The following CSPG5 variants were observed in gnomAD, a reference collection of about 807,000 sequenced individuals.
CSPG5 encodes the protein chondroitin sulfate proteoglycan 5, also known as acidic leucine-rich EGF-like domain-containing brain protein.
Under a neutral mutation model 39.8 loss-of-function variants are expected in CSPG5, and 25 were observed. The ratio of observed to expected loss-of-function variants is 0.63; its 90% CI spans 0.46 to 0.88. The LOEUF (loss-of-function observed/expected upper bound fraction) is 0.88. Ranked by LOEUF, CSPG5 falls within the 40% of genes least tolerant of loss-of-function variation. The pLI, the probability that CSPG5 is intolerant of heterozygous loss-of-function variation, is 0.00. For missense variants in CSPG5, 627 were observed against 702.2 expected, an observed-to-expected ratio of 0.89 and a Z score of 1.21; for synonymous variants, 295 against 303.9, an observed-to-expected ratio of 0.97 and a Z score of 0.31.
chr3:47,562,568 A>G lies in CSPG5; in HGVS notation c.*32T>C, dbSNP rs1267843743. 4 of 1,190,964 alleles carry G rather than the reference A, an allele frequency of 3.4e-6. No individual in the cohort carries two copies. In the South Asian group the frequency reaches 5.2e-5, roughly 15 times the overall value. 73.8% of individuals were successfully genotyped at this position (1,190,964 alleles called of 1,614,324 possible). A position where few individuals can be genotyped will look rare whatever the true frequency, so the allele number is the denominator to read the frequency against. On this transcript the variant is annotated 3_prime_UTR_variant, in exon 5 of 5. Coordinates refer to ENST00000264723, the MANE Select transcript of CSPG5 (RefSeq NM_006574.4). ...ATGTTTCTTCCCCTACCCCCCACCC[A>G]CTACCCCCGCTTCCTCTCTTCTTGC...
At chr3:47,576,233 G>A (rs1417486611) in intron 2 of CSPG5, among the ~76,000 whole-genome samples, 2 of 151,898 alleles carry the variant, frequency 1.3e-5, no homozygotes, top group South Asian at 2.1e-4. Flanking sequence ...CACCACGCCC[G>A]GCCTCATTTT....
rs142769230 is a variant in CSPG5 at position 47,577,026 on chromosome 3, C to T, written c.1000G>A (p.Gly334Ser). 6.0e-5 allele frequency: 97 copies of T among 1,612,666 alleles called. No individual in the cohort carries two copies. In the African/African-American group the frequency reaches 9.1e-4, roughly 15 times the overall value. ...CGGGGCCTGAGGGCGATGCTGCTGC[C>T]GGGGACCGACCCCAGAGTGTGCTGT... ...PPQHTLGSVPGSSIALRPRPG... is the reference protein window; with the variant it reads ...PPQHTLGSVPSSSIALRPRPG... The change falls in exon 2 of 5, where the codon GGC becomes AGC. Residue 334 changes from glycine (G) to serine (S), a missense_variant. By Grantham distance (56) the Gly-to-Ser change is moderately conservative. Transcript: ENST00000264723. This position sits in a 1 kb window ranked among gnomAD's most constrained non-coding sequence, Gnocchi z 4.7.
chr3:47,571,880 A>G (rs1301229591), intron 3 of CSPG5, among the ~76,000 whole-genome samples: 1 of 152,182 alleles, frequency 6.6e-6, no homozygotes, highest in East Asian at 1.9e-4. Flanking sequence ...AAGGTTTTCT[A>G]ACTTTGCTTA....
intron 2 of CSPG5, among the ~76,000 whole-genome samples, chr3:47,575,017 C>T (rs747842885): frequency 2.4e-4 from 37 of 152,198 alleles, no homozygotes; most frequent in Non-Finnish European, 1.5e-5. Context: ...ACAAAATACT[C>T]ATTGCTTTCT....
chr3:47,576,753 C>T, intron 2 of CSPG5, 80 bp downstream of exon 2: 7 of 1,468,240 alleles, frequency 4.8e-6, no homozygotes, highest in African/African-American at 1.4e-5. Context: ...AGCCAACGCG[C>T]CCGGCTACGC....
rs752598799 is a variant in CSPG5, at chr3:47,577,023, T to C, written c.1003A>G (p.Ser335Gly). The change falls in exon 2 of 5, where the codon AGC becomes GGC. Residue 335 changes from serine to glycine, a missense_variant. Ser to Gly is a moderately conservative substitution (Grantham distance 56). Coordinates refer to ENST00000264723, the MANE Select transcript of CSPG5 (RefSeq NM_006574.4). This position sits in a 1 kb window ranked among gnomAD's most constrained non-coding sequence, Gnocchi z 4.7. ...GGGCGGGGCCTGAGGGCGATGCTGC[T>C]GCCGGGGACCGACCCCAGAGTGTGC... ...PQHTLGSVPG[S>G]SIALRPRPGE... The C allele has an allele frequency of 1.5e-5, 24 of 1,613,026 alleles. No homozygotes were observed. The highest frequency in any genetic ancestry group is 2.0e-5 in the Non-Finnish European group (24 of 1,179,542).
rs1322222797 is a variant in CSPG5, at chr3:47,569,171, G to A, written c.1439C>T (p.Ala480Val). The change falls in exon 4 of 5, where the codon GCC (alanine) becomes GTC (valine). Residue 480 changes from alanine to valine, a missense_variant. By Grantham distance (64) the Ala-to-Val change is moderately conservative. Coordinates refer to ENST00000264723, the MANE Select transcript of CSPG5 (RefSeq NM_006574.4). ...HNDNFSLSTI[A>V]EGSHPNDDPS... ...CCTTACATTTGGGTGAGAGCCCTCG[G>A]CAATGGTGGAGAGGGAGAAGTTATC... The A allele has an allele frequency of 6.2e-7, 1 of 1,612,274 alleles. No homozygotes were observed. The highest frequency in any genetic ancestry group is 8.5e-7 in the Non-Finnish European group (1 of 1,179,168).
In CSPG5 at chr3:47,562,571, ACC is replaced by A; in HGVS notation, c.*27_*28del. The A allele has an allele frequency of 6.4e-7, 1 of 1,558,680 alleles. No individual in the cohort carries two copies. Among genetic ancestry groups the A allele is most frequent in the African/African-American group, 1.4e-5 (1 of 73,336 alleles). On this transcript the variant is annotated 3_prime_UTR_variant, in exon 5 of 5. Transcript: ENST00000264723. The stretch of plus-strand genomic sequence containing the variant: ...TTTCTTCCCCTACCCCCCACCCACT[ACC>A]CCCGCTTCCTCTCTTCTTGCTCTGC...
rs917340110 is a variant in CSPG5, at chr3:47,577,155, C to T, written c.871G>A (p.Gly291Ser). The change falls in exon 2 of 5, where the codon GGT becomes AGT. Residue 291 changes from glycine to serine, a missense_variant. Transcript: ENST00000264723. The surrounding 1 kb of genome is among the most constrained non-coding windows in gnomAD (Gnocchi z 4.7). The stretch of plus-strand genomic sequence containing the variant: ...TCATTTTCATCTTCTAGGTCTCCAC[C>T]TCCTACTGCATCTTTGTCATCCTCC... ...EEEDDKDAVG[G>S]GDLEDENELL... The T allele has an allele frequency of 1.9e-6, 3 of 1,613,034 alleles. No homozygotes were observed. Among genetic ancestry groups the T allele is most frequent in the African/African-American group, 2.7e-5 (2 of 74,928 alleles).
At chr3:47,574,625 C>T (rs2031638363) in intron 2 of CSPG5, among the ~76,000 whole-genome samples, 1 of 152,184 alleles carries the variant, frequency 6.6e-6, no homozygotes, top group South Asian at 2.1e-4. Flanking sequence ...ATGAGTGACC[C>T]TAATGTCATG....
chr3:47,572,218 C>T lies in CSPG5; in HGVS notation c.1382+468G>A, dbSNP rs921901992. Among the ~76,000 whole-genome samples, 1 of 152,108 alleles carries T rather than the reference C, an allele frequency of 6.6e-6. No homozygotes were observed. The highest frequency in any genetic ancestry group is 1.5e-5 in the Non-Finnish European group (1 of 68,024). ...TAAACCCTTTCTCCTCAGTGTTCAC[C>T]GAGGAGGAGCTGATTTTGGGTGACA... On this transcript the variant is annotated intron_variant, in intron 3 of 4. Coordinates refer to ENST00000264723, the MANE Select transcript of CSPG5 (RefSeq NM_006574.4). The surrounding 1 kb of genome is among the most constrained non-coding windows in gnomAD (Gnocchi z 4.5).
rs749970270 is a variant in CSPG5, at chr3:47,572,922, G to C, written c.1194-48C>G. ...CCGTGGCGATGGAGCAGGCAGCCAC[G>C]GCCACAGTAAGGGCCTGGGCCCTGA... On this transcript the variant is annotated intron_variant, in intron 2 of 4. Transcript: ENST00000264723. The surrounding 1 kb of genome is among the most constrained non-coding windows in gnomAD (Gnocchi z 4.5). The C allele has an allele frequency of 1.9e-6, 3 of 1,560,906 alleles. No individual in the cohort carries two copies. In the African/African-American group the frequency reaches 4.1e-5, roughly 21 times the overall value.
At chr3:47,574,058 T>C (rs1347887927) in intron 2 of CSPG5, among the ~76,000 whole-genome samples, 1 of 151,984 alleles carries the variant, frequency 6.6e-6, no homozygotes, top group Admixed American at 6.6e-5. Context: ...CAGGCCTGGG[T>C]GTACACAGCC....
At chr3:47,562,870 AG>A in intron 4 of CSPG5, 109 bp from the exon 5 acceptor site, 2 of 1,210,930 alleles carry the variant, frequency 1.7e-6, no homozygotes, top group South Asian at 1.7e-5. Context: ...ACAAGGAAAA[AG>A]CTCCAAGACT....
chr3:47,569,106 G>A lies in CSPG5; in HGVS notation c.1458+46C>T, dbSNP rs527546433. The A allele has an allele frequency of 2.0e-5, 31 of 1,571,104 alleles. No individual in the cohort carries two copies. Among genetic ancestry groups the A allele is most frequent in the East Asian group, 1.4e-4 (6 of 43,110 alleles). On this transcript the variant is annotated intron_variant, in intron 4 of 4. Coordinates refer to ENST00000264723, the MANE Select transcript of CSPG5 (RefSeq NM_006574.4). ...ACGTTATCATAGTGAGCCAAGGCAC[G>A]GGCATGGGGGGAGGAGGTACGGGGA...
intron 2 of CSPG5, among the ~76,000 whole-genome samples, chr3:47,575,576 G>C (rs1008286514): frequency 2.9e-4 from 44 of 152,212 alleles, no homozygotes; most frequent in African/African-American, 1.0e-3. Flanking sequence ...GATATCCCAA[G>C]GTAGACAAAC....
At position 47,578,017 on chromosome 3, in the gene CSPG5, C is replaced by T. The variant is rs1335478655; in HGVS notation, c.98-89G>A. On this transcript the variant is annotated intron_variant, in intron 1 of 4. Coordinates refer to ENST00000264723, the MANE Select transcript of CSPG5 (RefSeq NM_006574.4). The surrounding 1 kb of genome is among the most constrained non-coding windows in gnomAD (Gnocchi z 6.0). ...GCCCGCCCCGGTCAGGCCCGCTCGC[C>T]TAGACCTGGTCAACCCAGACCTCGC... 4 of 1,347,240 alleles carry T rather than the reference C, an allele frequency of 3.0e-6. No individual in the cohort carries two copies. In the African/African-American group the frequency reaches 6.2e-5, roughly 21 times the overall value. 83.5% of individuals were successfully genotyped at this position (1,347,240 alleles called of 1,614,324 possible).
intron 2 of CSPG5, among the ~76,000 whole-genome samples, chr3:47,574,170 G>C (rs2031623916): frequency 6.6e-6 from 1 of 152,238 alleles, no homozygotes; most frequent in Non-Finnish European, 1.5e-5. Flanking sequence ...GAGGCAGTGA[G>C]AGGCTGGTAG....
In CSPG5 at chr3:47,578,237, G is replaced by T; in HGVS notation, c.98-309C>A. On this transcript the variant is annotated intron_variant, in intron 1 of 4. Transcript: ENST00000264723. The surrounding 1 kb of genome is among the most constrained non-coding windows in gnomAD (Gnocchi z 6.0). ...CGGCCCACCCATAAGTCTCACCCTC[G>T]GGAACCCACCCTGAGCCGCGTCCAC... is the stretch of plus-strand genomic sequence containing the variant. The T allele has an allele frequency of 3.1e-6, 1 of 321,866 alleles. No homozygotes were observed. The highest frequency in any genetic ancestry group is 5.5e-6 in the Non-Finnish European group (1 of 181,180). The allele number at this position is 321,866 out of a possible 1,614,324, so 19.9% of individuals were successfully genotyped here. A position where few individuals can be genotyped will look rare whatever the true frequency, so the allele number is the denominator to read the frequency against.
Sources: allele counts gnomAD v4.1 joint callset (sites outside exome capture counted in the v4.1 genomes callset), GRCh38; gene constraint gnomAD v4.1.1; non-coding constraint Gnocchi (gnomAD v3.1); transcripts MANE v1.5; gene names NCBI Gene and HGNC (gene_info 2026-07-23, HGNC 2026-07-21).